GUCY2F: variants seen among roughly 807,000 people sequenced by gnomAD.
GUCY2F encodes the protein retinal guanylyl cyclase 2.
GUCY2F carries 61 observed loss-of-function variants against 73.1 expected under a neutral mutation model. The observed-to-expected ratio is 0.83, with a 90% CI of 0.68 to 1.03. The LOEUF (loss-of-function observed/expected upper bound fraction) is 1.03, where lower values mean the gene tolerates loss of function less well. Among genes scored for constraint, GUCY2F ranks in the 50% least tolerant of loss-of-function variants. The probability of loss-of-function intolerance (pLI) is 0.00; values close to 1 mark genes in which losing one functional copy is unlikely to be tolerated. For missense variants in GUCY2F, 912 were observed against 854.3 expected, an observed-to-expected ratio of 1.07 and a Z score of -0.84; for synonymous variants, 331 against 307.8, an observed-to-expected ratio of 1.08 and a Z score of -0.79.
intron 7 of GUCY2F, among the ~76,000 whole-genome samples, chrX:109,437,249 G>A (rs964552615): frequency 9.0e-6 from 1 of 111,183 alleles, no homozygotes; most frequent in African/African-American, 3.3e-5. Flanking sequence ...CACCGTGTAG[G>A]TATTATTCTC....
At chrX:109,414,813 A>G (rs959916506) in intron 8 of GUCY2F, among the ~76,000 whole-genome samples, 1 of 111,955 alleles carries the variant, frequency 8.9e-6, no homozygotes, top group Non-Finnish European at 1.9e-5. Flanking sequence ...GGGTTGTAAT[A>G]GAACAGGTAA....
At chrX:109,474,308 G>A (rs905844947) in intron 2 of GUCY2F, among the ~76,000 whole-genome samples, 7 of 111,681 alleles carry the variant, frequency 6.3e-5, no homozygotes, top group East Asian at 2.8e-4. Context: ...AATGAGCAGC[G>A]TTCCCATGAA....
At chrX:109,409,738 T>G (rs1443181252) in intron 8 of GUCY2F, among the ~76,000 whole-genome samples, 1 of 111,226 alleles carries the variant, frequency 9.0e-6, no homozygotes, top group Non-Finnish European at 1.9e-5. Context: ...ATCTGATGGT[T>G]TTATAAAGGG....
intron 7 of GUCY2F, among the ~76,000 whole-genome samples, chrX:109,432,869 G>C (rs1194181510): frequency 8.9e-6 from 1 of 112,157 alleles, no homozygotes; most frequent in African/African-American, 3.2e-5. Context: ...TTAGGCAGGA[G>C]AGAAAAGCAA....
At chrX:109,429,896 T>A (rs1324480760) in intron 8 of GUCY2F, among the ~76,000 whole-genome samples, 1 of 112,418 alleles carries the variant, frequency 8.9e-6, no homozygotes, top group African/African-American at 3.2e-5. Context: ...TGATGGGATA[T>A]TTACTTGATA....
At chrX:109,481,139 G>A (rs1393413634) in intron 1 of GUCY2F, among the ~76,000 whole-genome samples, 1 of 108,556 alleles carries the variant, frequency 9.2e-6, no homozygotes, top group African/African-American at 3.4e-5. Context: ...GGGCAAGATA[G>A]GGGGAGGATG....
chrX:109,454,196 G>C (rs1371988211), intron 3 of GUCY2F, among the ~76,000 whole-genome samples: 1 of 111,854 alleles, frequency 8.9e-6, no homozygotes. Context: ...AATAGACAAG[G>C]GGAGTTCAAA....
intron 6 of GUCY2F, among the ~76,000 whole-genome samples, chrX:109,445,721 G>C (rs1208792349): frequency 9.0e-6 from 1 of 111,424 alleles, no homozygotes; most frequent in Non-Finnish European, 1.9e-5. Flanking sequence ...CACAAGACAG[G>C]GATGCCCTCT....
At chrX:109,451,933 T>C in intron 5 of GUCY2F, 90 bp downstream of exon 5, 1 of 555,851 alleles carries the variant, frequency 1.8e-6, no homozygotes, top group Non-Finnish European at 3.1e-6. Context: ...AATGAGGCAA[T>C]TGTACCGAAA....
intron 15 of GUCY2F, among the ~76,000 whole-genome samples, chrX:109,387,541 A>T (rs1307721066): frequency 8.9e-6 from 1 of 112,216 alleles, no homozygotes; most frequent in African/African-American, 3.2e-5. Context: ...TACAAGTGGT[A>T]GTTAAACCAC....
At chrX:109,450,927 C>T (rs1300038348) in intron 5 of GUCY2F, among the ~76,000 whole-genome samples, 3 of 111,143 alleles carry the variant, frequency 2.7e-5, no homozygotes, top group Non-Finnish European at 3.8e-5. Context: ...AAGAAAATTC[C>T]GGCCAAGAAA....
chrX:109,464,328 G>A (rs2147281511), intron 3 of GUCY2F, among the ~76,000 whole-genome samples: 1 of 111,588 alleles, frequency 9.0e-6, no homozygotes, highest in Non-Finnish European at 1.9e-5. Context: ...GCTATGATTG[G>A]AATCTGAAAT....
At chrX:109,448,583 AT>A (rs1932074759) in intron 5 of GUCY2F, among the ~76,000 whole-genome samples, 1 of 112,083 alleles carries the variant, frequency 8.9e-6, no homozygotes, top group East Asian at 2.8e-4. Context: ...ATTAATCTCC[AT>A]TTTATAGACA....
Position 109,449,151 on chromosome X carries a change from C to G in GUCY2F, c.1473-986G>C, listed in dbSNP as rs139424158. Among the ~76,000 whole-genome samples, 412 of 111,549 alleles carry G rather than the reference C, an allele frequency of 3.7e-3. 4 individuals are homozygous for G. The highest frequency in any genetic ancestry group is 0.013 in the African/African-American group (394 of 30,671). On this transcript the variant is annotated intron_variant, in intron 5 of 19. Coordinates refer to ENST00000218006, the MANE Select transcript of GUCY2F (RefSeq NM_001522.3). Reference sequence around the variant, plus strand: ...CTGTGGAATGTGTTAAAGCCAAGAGCCATGGTGGAGAAAACAACCACTGAA... The same window carrying G: ...CTGTGGAATGTGTTAAAGCCAAGAGGCATGGTGGAGAAAACAACCACTGAA...
intron 12 of GUCY2F, among the ~76,000 whole-genome samples, chrX:109,394,775 A>T (rs1475924001): frequency 8.9e-6 from 1 of 112,100 alleles, no homozygotes; most frequent in East Asian, 2.8e-4. Flanking sequence ...GAGGAAGGTT[A>T]TCACTTTTCA....
chrX:109,383,504 T>C (rs1930367898), intron 16 of GUCY2F: 1 of 270,053 alleles, frequency 3.7e-6, no homozygotes, highest in Non-Finnish European at 5.1e-6. Flanking sequence ...ATGTGACATG[T>C]CCTGATTTCA....
At chrX:109,445,536 A>T (rs1931981532) in intron 6 of GUCY2F, among the ~76,000 whole-genome samples, 1 of 112,115 alleles carries the variant, frequency 8.9e-6, no homozygotes, top group Admixed American at 9.5e-5. Flanking sequence ...AATAAACAAA[A>T]GGAAACAGGT....
chrX:109,438,861 T>A (rs1458121453), intron 7 of GUCY2F, among the ~76,000 whole-genome samples: 2 of 112,940 alleles, frequency 1.8e-5, no homozygotes, highest in Admixed American at 9.3e-5. Context: ...ACAGTTCTGC[T>A]GAGTATTGCC....
intron 7 of GUCY2F, among the ~76,000 whole-genome samples, chrX:109,433,577 T>C (rs971751567): frequency 1.8e-5 from 2 of 111,871 alleles, no homozygotes; most frequent in Admixed American, 9.5e-5. Context: ...GAGTTCTACT[T>C]CATGAATAAT....
Sources: allele counts gnomAD v4.1 joint callset (sites outside exome capture counted in the v4.1 genomes callset), GRCh38; gene constraint gnomAD v4.1.1; transcripts MANE v1.5; gene names NCBI Gene and HGNC (gene_info 2026-07-23, HGNC 2026-07-21).